KIDINS220: variants seen among roughly 807,000 people sequenced by gnomAD.
KIDINS220 encodes kinase D-interacting substrate of 220 kDa.
KIDINS220 carries 63 observed loss-of-function variants against 157.6 expected under a neutral mutation model. That is an observed-to-expected ratio of 0.40 (90% CI 0.33 to 0.49). KIDINS220 has a LOEUF of 0.49. Ranked by LOEUF, KIDINS220 falls within the 20% of genes least tolerant of loss-of-function variation. The pLI is 0.66. For synonymous variants in KIDINS220, 732 were observed against 783.6 expected (o/e 0.93, Z 1.10); for missense variants, 1,772 against 2,171.2 (o/e 0.82, Z 3.65).
chr2:8,754,721 T>C (rs1020774090), intron 22 of KIDINS220, among the ~76,000 whole-genome samples: 7 of 152,210 alleles, frequency 4.6e-5, no homozygotes, highest in Admixed American at 3.3e-4. Context: ...ACTATTCATA[T>C]CACTTCCATT....
At chr2:8,765,024 G>C (rs1372982283) in intron 22 of KIDINS220, among the ~76,000 whole-genome samples, 3 of 152,130 alleles carry the variant, frequency 2.0e-5, no homozygotes, top group Non-Finnish European at 4.4e-5. Flanking sequence ...CGAAGGATGG[G>C]GGGGCTTGGT....
At chr2:8,788,585 A>G in intron 15 of KIDINS220, 62 bp downstream of exon 15, 1 of 1,530,598 alleles carries the variant, frequency 6.5e-7, no homozygotes, top group Non-Finnish European at 8.9e-7. Context: ...AACTTTCCGA[A>G]GTGAAAAATA....
At chr2:8,746,850 C>T (rs777520959) in intron 26 of KIDINS220, 5 of 321,982 alleles carry the variant, frequency 1.6e-5, no homozygotes, top group Non-Finnish European at 2.3e-5. Flanking sequence ...ATACTACCAA[C>T]GGAACACCCC....
chr2:8,835,786 A>C (rs1213080518), intron 1 of KIDINS220, among the ~76,000 whole-genome samples: 1 of 152,162 alleles, frequency 6.6e-6, no homozygotes, highest in Non-Finnish European at 1.5e-5. Flanking sequence ...AAAAGGTTTA[A>C]GTTTCTACTG....
chr2:8,766,955 A>C (rs1214296565), intron 22 of KIDINS220, among the ~76,000 whole-genome samples: 1 of 152,224 alleles, frequency 6.6e-6, no homozygotes, highest in Non-Finnish European at 1.5e-5. Flanking sequence ...TTGAATGGTC[A>C]ACATTACATC....
intron 26 of KIDINS220, among the ~76,000 whole-genome samples, chr2:8,746,071 A>T: frequency 6.8e-6 from 1 of 146,838 alleles, no homozygotes; most frequent in Admixed American, 6.8e-5. Context: ...TCACAAACTT[A>T]TTTCTTATTA....
intron 20 of KIDINS220, 44 bp downstream of exon 20, chr2:8,778,595 G>T: frequency 8.4e-7 from 1 of 1,188,820 alleles, no homozygotes; most frequent in Non-Finnish European, 1.3e-6. Context: ...GTATTAAATT[G>T]AATAGCAATA....
chr2:8,747,094 G>C (rs758607016), intron 26 of KIDINS220, 51 bp downstream of exon 26: 1 of 1,503,488 alleles, frequency 6.7e-7, no homozygotes, highest in Non-Finnish European at 9.3e-7. Flanking sequence ...TCATTACTGA[G>C]GCAGAAGCAA....
At chr2:8,810,087 C>T (rs1484128699) in intron 6 of KIDINS220, among the ~76,000 whole-genome samples, 3 of 152,142 alleles carry the variant, frequency 2.0e-5, no homozygotes, top group Non-Finnish European at 4.4e-5. Context: ...GTGCCCAGTT[C>T]GTCTCTGCTC....
rs553464656 is a variant in KIDINS220, at chr2:8,742,344, T to C, written c.3585+4801A>G. On this transcript the variant is annotated intron_variant, in intron 26 of 29. Transcript: ENST00000256707. ...TTGAACTTGTGGGCTCAAGTCATCCTCCTGCCTCAGCCTTCCTAAGTGCAG... is the reference window on the plus strand; with the variant it reads ...TTGAACTTGTGGGCTCAAGTCATCCCCCTGCCTCAGCCTTCCTAAGTGCAG... 1.5e-4 allele frequency among the ~76,000 whole-genome samples: 23 copies of C among 152,054 alleles called. 1 individual carries two copies. The highest frequency in any genetic ancestry group is 5.5e-4 in the African/African-American group (23 of 41,468).
chr2:8,827,906 G>A (rs2148439855), intron 1 of KIDINS220, among the ~76,000 whole-genome samples: 1 of 152,268 alleles, frequency 6.6e-6, no homozygotes, highest in Admixed American at 6.5e-5. Flanking sequence ...CACCGTCAGA[G>A]ATTCTGACTC....
At chr2:8,794,168 C>T in intron 11 of KIDINS220, 181 bp from the exon 12 acceptor site, 1 of 456,814 alleles carries the variant, frequency 2.2e-6, no homozygotes, top group Non-Finnish European at 3.8e-6. Flanking sequence ...TGTAGCTCCT[C>T]ATCCAGCTTT....
rs764462972 is a variant in KIDINS220, at chr2:8,779,095, T to C, written c.2415A>G (p.Ala805=). ...FSKGPFIAIF[A]SDPHIIIKAI... is the part of the protein sequence containing the mutation. ...CCTTTATGATAATATGTGGATCACTTGCAAAAATGGCAATGAACGGGCCTT... is the reference window on the plus strand; with the variant it reads ...CCTTTATGATAATATGTGGATCACTCGCAAAAATGGCAATGAACGGGCCTT... The change falls in exon 19 of 30, where the codon GCA becomes GCG. Residue 805 remains alanine, a synonymous_variant. Transcript: ENST00000256707. 9.3e-6 allele frequency: 15 copies of C among 1,613,886 alleles called. No homozygotes were observed. Among genetic ancestry groups the C allele is most frequent in the Non-Finnish European group, 1.3e-5 (15 of 1,180,032 alleles).
intron 28 of KIDINS220, 114 bp downstream of exon 28, chr2:8,734,541 A>G: frequency 1.5e-6 from 1 of 654,252 alleles, no homozygotes; most frequent in Non-Finnish European, 2.5e-6. Flanking sequence ...AATATGAAAA[A>G]AATACCAGTT....
intron 6 of KIDINS220, among the ~76,000 whole-genome samples, chr2:8,807,433 T>G (rs2148349981): frequency 6.6e-6 from 1 of 152,356 alleles, no homozygotes; most frequent in African/African-American, 2.4e-5. Context: ...ATGGAAATAC[T>G]CTATAATTCT....
At chr2:8,778,803 A>G in intron 19 of KIDINS220, 76 bp from the exon 20 acceptor site, 3 of 1,593,084 alleles carry the variant, frequency 1.9e-6, no homozygotes, top group South Asian at 2.2e-5. Context: ...ATGTGAAACA[A>G]CAACAATATT....
intron 13 of KIDINS220, 148 bp from the exon 14 acceptor site, chr2:8,790,207 T>C (rs958320079): frequency 1.6e-5 from 11 of 703,720 alleles, no homozygotes; most frequent in Non-Finnish European, 2.5e-5. Flanking sequence ...TTAACCATTT[T>C]ACCCAGTGTT....
chr2:8,828,815 T>C (rs1679199261), intron 1 of KIDINS220, among the ~76,000 whole-genome samples: 1 of 152,236 alleles, frequency 6.6e-6, no homozygotes, highest in Non-Finnish European at 1.5e-5. Context: ...TGTCTATAAC[T>C]GATATCCCAT....
chr2:8,759,508 CT>C (rs1182336411), intron 22 of KIDINS220, among the ~76,000 whole-genome samples: 1 of 150,082 alleles, frequency 6.7e-6, no homozygotes, highest in African/African-American at 2.5e-5. Context: ...TAAAAAAACC[CT>C]TAAACTCAGT....
Sources: gnomAD v4.1 joint callset for allele counts (sites outside exome capture counted in the v4.1 genomes callset) on GRCh38, gnomAD v4.1.1 for gene constraint, MANE v1.5 for transcripts, NCBI Gene and HGNC (gene_info 2026-07-23, HGNC 2026-07-21) for gene names.